The following GRM5 variants were observed in gnomAD, a reference collection of about 807,000 sequenced individuals.
The protein encoded by GRM5 is metabotropic glutamate receptor 5.
In GRM5, 19 loss-of-function variants were observed where a neutral mutation model predicts 83.1. The observed-to-expected ratio is 0.23, with a 90% CI of 0.16 to 0.34. GRM5 has a LOEUF of 0.34. Ranked by LOEUF, GRM5 falls within the 10% of genes least tolerant of loss-of-function variation. The pLI is 1.00. For missense variants in GRM5, 1,160 were observed against 1,588.3 expected (o/e 0.73, Z 4.58); for synonymous variants, 675 against 633.6 (o/e 1.07, Z -0.98).
intron 3 of GRM5, 36 bp downstream of exon 3, chr11:88,849,870 T>C (rs1401521225): frequency 6.2e-7 from 1 of 1,604,784 alleles, no homozygotes; most frequent in South Asian, 1.1e-5. Context: ...AAATTCCTGG[T>C]ATTAACTCCA....
chr11:88,845,361 T>C (rs1182834226), intron 3 of GRM5, among the ~76,000 whole-genome samples: 1 of 151,714 alleles, frequency 6.6e-6, no homozygotes, highest in Non-Finnish European at 1.5e-5. Flanking sequence ...AATTAAGATT[T>C]ATATATTTTT....
chr11:88,628,226 C>T (rs1938858507), intron 4 of GRM5, among the ~76,000 whole-genome samples: 1 of 152,174 alleles, frequency 6.6e-6, no homozygotes, highest in African/African-American at 2.4e-5. Context: ...CTATTTTCTA[C>T]TTATCATGTG....
rs188137372 is a variant in GRM5, at chr11:88,835,738, C to G, written c.911+14168G>C. On this transcript the variant is annotated intron_variant, in intron 3 of 9. Transcript: ENST00000305447. Reference sequence around the variant, plus strand: ...TAGCAAATGAGAGGTGTAAAAATAACTGTATTAAAAAGACTAATATCTATA... The same window carrying G: ...TAGCAAATGAGAGGTGTAAAAATAAGTGTATTAAAAAGACTAATATCTATA... Among the ~76,000 whole-genome samples the G allele has an allele frequency of 4.0e-3, 606 of 152,296 alleles. 14 individuals carry two copies. The highest frequency in any genetic ancestry group is 0.014 in the African/African-American group (585 of 41,568).
At chr11:89,031,206 T>C (rs879407802) in intron 2 of GRM5, among the ~76,000 whole-genome samples, 1 of 151,988 alleles carries the variant, frequency 6.6e-6, no homozygotes, top group Non-Finnish European at 1.5e-5. Context: ...CTTAAGCCAG[T>C]AGTAAGATGA....
rs530895248 is a variant in GRM5, at chr11:88,566,370, G to A, written c.2630+683C>T. Among the ~76,000 whole-genome samples the A allele has an allele frequency of 1.1e-4, 17 of 152,258 alleles. No individual in the cohort carries two copies. The South Asian group carries it at 2.5e-3, about 22-fold the overall frequency. ...AGATTCTTTTCAGATTGAAATGGTC[G>A]AATAACTACTACCTGTGATATTGAA... On this transcript the variant is annotated intron_variant, in intron 8 of 9. Transcript: ENST00000305447.
At chr11:88,667,205 G>C (rs988309822) in intron 3 of GRM5, among the ~76,000 whole-genome samples, 1 of 152,032 alleles carries the variant, frequency 6.6e-6, no homozygotes, top group African/African-American at 2.4e-5. Context: ...TATCCAGACT[G>C]AAACATGGAA....
intron 2 of GRM5, among the ~76,000 whole-genome samples, chr11:88,944,629 G>T (rs1174682203): frequency 6.6e-6 from 1 of 151,462 alleles, no homozygotes; most frequent in Non-Finnish European, 1.5e-5. Flanking sequence ...TTTTTTTAAA[G>T]AAAGACAGTT....
chr11:88,896,669 G>C (rs1214816498), intron 2 of GRM5, among the ~76,000 whole-genome samples: 1 of 151,846 alleles, frequency 6.6e-6, no homozygotes, highest in Non-Finnish European at 1.5e-5. Context: ...TGAGAAAATA[G>C]AAAGAATGGT....
chr11:88,547,046 TGAG>T (rs1942398606), intron 8 of GRM5, among the ~76,000 whole-genome samples: 1 of 152,076 alleles, frequency 6.6e-6, no homozygotes, highest in South Asian at 2.1e-4. Flanking sequence ...AAAATTAAAA[TGAG>T]GATACAAAAT....
At chr11:89,022,225 T>G (rs867838268) in intron 2 of GRM5, among the ~76,000 whole-genome samples, 1 of 152,200 alleles carries the variant, frequency 6.6e-6, no homozygotes, top group Non-Finnish European at 1.5e-5. Context: ...CAATATTCAC[T>G]ATACACACTA....
chr11:89,028,740 T>C (rs1449070456), intron 2 of GRM5, among the ~76,000 whole-genome samples: 1 of 152,218 alleles, frequency 6.6e-6, no homozygotes, highest in Non-Finnish European at 1.5e-5. Flanking sequence ...TCTAAAAGAA[T>C]TGGTTGATTT....
chr11:88,850,026 A>G lies in GRM5; in HGVS notation c.791T>C (p.Leu264Pro). ...CCGGGCCTTGGGCAAGTGACTTGTG[A>G]GCTTCTTCAGCAGCTTATCAAAGCT... ...EQSFDKLLKK[L>P]TSHLPKARVV... The change falls in exon 3 of 10, where the codon CTC becomes CCC. Residue 264 changes from leucine (L) to proline (P), a missense_variant. Leu to Pro is a moderately conservative substitution (Grantham distance 98). Around this residue, in one of 9 missense-constraint regions of GRM5, gnomAD observed 84 missense variants for 231.0 expected, o/e 0.36. Coordinates refer to ENST00000305447, the MANE Select transcript of GRM5 (RefSeq NM_001143831.3). 6.2e-7 allele frequency: 1 copy of G among 1,612,782 alleles called. No individual in the cohort carries two copies. Among genetic ancestry groups the G allele is most frequent in the Non-Finnish European group, 8.5e-7 (1 of 1,178,858 alleles).
intron 2 of GRM5, among the ~76,000 whole-genome samples, chr11:88,925,323 C>CTTTAT (rs10654787): frequency 0.96 from 145,359 of 151,764 alleles, 69,699 homozygotes; most frequent in East Asian, 0.99. Flanking sequence ...CTTTTTGCTG[C>CTTTAT]TTTATTTTTT....
intron 3 of GRM5, among the ~76,000 whole-genome samples, chr11:88,776,362 C>T (rs550710849): frequency 1.3e-5 from 2 of 152,288 alleles, no homozygotes; most frequent in South Asian, 4.1e-4. Flanking sequence ...CTCCTGCCTA[C>T]AGCACACTGA....
chr11:88,509,514 G>C lies in GRM5; in HGVS notation c.2727-10C>G, dbSNP rs766145476. On this transcript the variant is annotated splice_polypyrimidine_tract_variant and intron_variant, in intron 9 of 9. Coordinates refer to ENST00000305447, the MANE Select transcript of GRM5 (RefSeq NM_001143831.3). ...GGATTTTCCATTGGAACTGAGGAGA[G>C]AAGGGAGAGGAAAGGTGACTCAGCG... 6.2e-7 allele frequency: 1 copy of C among 1,604,574 alleles called. No homozygotes were observed. The highest frequency in any genetic ancestry group is 8.5e-7 in the Non-Finnish European group (1 of 1,175,162).
Position 89,047,895 on chromosome 11 carries a change from A to G in GRM5, c.-23T>C. 6.3e-7 allele frequency: 1 copy of G among 1,596,066 alleles called. No individual in the cohort carries two copies. Among genetic ancestry groups the G allele is most frequent in the Non-Finnish European group, 8.6e-7 (1 of 1,165,568 alleles). Reference sequence around the variant, plus strand: ...CATTTTAGGAAAGGAGTTCAAGCCAATAAAGATAGCATGGTGGGGAAAATT... The same window carrying G: ...CATTTTAGGAAAGGAGTTCAAGCCAGTAAAGATAGCATGGTGGGGAAAATT... On this transcript the variant is annotated 5_prime_UTR_variant, in exon 2 of 10. Transcript: ENST00000305447. This position sits in a 1 kb window ranked among gnomAD's most constrained non-coding sequence, Gnocchi z 5.1.
intron 3 of GRM5, among the ~76,000 whole-genome samples, chr11:88,751,623 G>C (rs1942275806): frequency 6.6e-6 from 1 of 152,082 alleles, no homozygotes; most frequent in African/African-American, 2.4e-5. Flanking sequence ...GCATCATCCT[G>C]ACACCAAAAC....
intron 2 of GRM5, among the ~76,000 whole-genome samples, chr11:88,882,325 G>C (rs1444933760): frequency 1.3e-5 from 2 of 151,136 alleles, no homozygotes; most frequent in Non-Finnish European, 2.9e-5. Context: ...GCCAAGGCGG[G>C]TAGATCACGA....
At chr11:88,800,608 T>C (rs538387394) in intron 3 of GRM5, among the ~76,000 whole-genome samples, 8 of 152,294 alleles carry the variant, frequency 5.3e-5, no homozygotes, top group South Asian at 2.1e-4. Context: ...TGTTTTATTC[T>C]GTTCATTAGA....
Sources: allele counts gnomAD v4.1 joint callset (sites outside exome capture counted in the v4.1 genomes callset), GRCh38; gene constraint gnomAD v4.1.1; regional missense constraint gnomAD v4.1.1; non-coding constraint Gnocchi (gnomAD v3.1); transcripts MANE v1.5; gene names NCBI Gene and HGNC (gene_info 2026-07-23, HGNC 2026-07-21).